Variants in LOC128462377 observed in about 807,000 individuals in gnomAD.
the LOC128462377 span, among the ~76,000 whole-genome samples, chr16:89,397,493 C>T: frequency 6.6e-6 from 1 of 152,238 alleles, no homozygotes; most frequent in Non-Finnish European, 1.5e-5. Context: ...CCGTGGCGGG[C>T]CTTGCTGCTA....
the LOC128462377 span, among the ~76,000 whole-genome samples, chr16:89,336,135 T>C: frequency 1.3e-5 from 2 of 152,244 alleles, no homozygotes; most frequent in African/African-American, 4.8e-5. Flanking sequence ...TGCCATGTAA[T>C]CCACAGAACC....
the LOC128462377 span, among the ~76,000 whole-genome samples, chr16:89,366,568 G>C: frequency 1.3e-5 from 2 of 152,266 alleles, no homozygotes; most frequent in African/African-American, 2.4e-5. Flanking sequence ...CAGTTTTCAC[G>C]ATCAGCTGGT....
the LOC128462377 span, among the ~76,000 whole-genome samples, chr16:89,354,621 C>G: frequency 6.6e-6 from 1 of 152,206 alleles, no homozygotes; most frequent in Non-Finnish European, 1.5e-5. Flanking sequence ...GTGGCTCACT[C>G]TTGTAATCCC....
At chr16:89,402,574 C>T in the LOC128462377 span, among the ~76,000 whole-genome samples, 4 of 143,584 alleles carry the variant, frequency 2.8e-5, no homozygotes, top group South Asian at 4.7e-4. Flanking sequence ...CCCAGCTACT[C>T]GGGAGGCTGA....
the LOC128462377 span, among the ~76,000 whole-genome samples, chr16:89,372,367 C>T: frequency 6.6e-6 from 1 of 152,138 alleles, no homozygotes; most frequent in Non-Finnish European, 1.5e-5. Flanking sequence ...GTGGAGAGCC[C>T]GAGTCACGGA....
the LOC128462377 span, among the ~76,000 whole-genome samples, chr16:89,367,345 C>G: frequency 6.6e-6 from 1 of 152,256 alleles, no homozygotes; most frequent in African/African-American, 2.4e-5. Context: ...AGTGGCGGCG[C>G]CCAGAGCGGC....
chr16:89,318,091 C>A, the LOC128462377 span, among the ~76,000 whole-genome samples: 1 of 152,364 alleles, frequency 6.6e-6, no homozygotes, highest in Admixed American at 6.5e-5. Context: ...TTCCCCGAGC[C>A]CCTGCTTCCG....
chr16:89,386,515 G>A, the LOC128462377 span, among the ~76,000 whole-genome samples: 1 of 152,220 alleles, frequency 6.6e-6, no homozygotes, highest in African/African-American at 2.4e-5. Flanking sequence ...GGGTGTGGGG[G>A]AAAGGGGGCT....
At chr16:89,404,548 G>A in the LOC128462377 span, among the ~76,000 whole-genome samples, 1 of 152,214 alleles carries the variant, frequency 6.6e-6, no homozygotes, top group African/African-American at 2.4e-5. Context: ...AGAAGAGAAG[G>A]AAAAGCTGCT....
At chr16:89,378,443 A>G in the LOC128462377 span, among the ~76,000 whole-genome samples, 1 of 152,220 alleles carries the variant, frequency 6.6e-6, no homozygotes, top group East Asian at 1.9e-4. Flanking sequence ...AATTCTTGAT[A>G]ATAATTTCAA....
At chr16:89,319,110 C>T in the LOC128462377 span, among the ~76,000 whole-genome samples, 8 of 152,234 alleles carry the variant, frequency 5.3e-5, no homozygotes, top group Admixed American at 2.6e-4. Context: ...TGTCTGCTCT[C>T]AGGACGGAAA....
chr16:89,347,210 G>A, the LOC128462377 span, among the ~76,000 whole-genome samples: 3 of 152,328 alleles, frequency 2.0e-5, no homozygotes, highest in East Asian at 5.8e-4. Context: ...CTGGGTGAGG[G>A]CTTCTTTCAA....
At chr16:89,361,301 GCACA>G in the LOC128462377 span, among the ~76,000 whole-genome samples, 17 of 152,190 alleles carry the variant, frequency 1.1e-4, no homozygotes, top group African/African-American at 4.1e-4. Context: ...CTTGGCCTCA[GCACA>G]CACAGAACCA....
At chr16:89,373,768 C>T in the LOC128462377 span, among the ~76,000 whole-genome samples, 1 of 152,232 alleles carries the variant, frequency 6.6e-6, no homozygotes, top group African/African-American at 2.4e-5. Flanking sequence ...TACCTGGGAT[C>T]CCCCAAGAAC....
the LOC128462377 span, among the ~76,000 whole-genome samples, chr16:89,391,296 C>T: frequency 1.6e-4 from 25 of 151,576 alleles, no homozygotes; most frequent in African/African-American, 6.1e-4. Flanking sequence ...CAGGGCAGGT[C>T]GCTGAGAAGC....
At chr16:89,402,376 T>C in the LOC128462377 span, among the ~76,000 whole-genome samples, 1 of 152,146 alleles carries the variant, frequency 6.6e-6, no homozygotes, top group Non-Finnish European at 1.5e-5. Flanking sequence ...TGAGCGCTTA[T>C]TTAAATCGGT....
the LOC128462377 span, among the ~76,000 whole-genome samples, chr16:89,375,547 C>T: frequency 6.6e-6 from 1 of 152,026 alleles, no homozygotes; most frequent in Non-Finnish European, 1.5e-5. Flanking sequence ...GCAACCTCTG[C>T]CTCCCAGGCC....
At chr16:89,342,689 G>A in the LOC128462377 span, among the ~76,000 whole-genome samples, 1 of 152,214 alleles carries the variant, frequency 6.6e-6, no homozygotes, top group East Asian at 1.9e-4. Flanking sequence ...ACTTCATGGT[G>A]TAAAAATCTA....
chr16:89,414,785 C>T, the LOC128462377 span, among the ~76,000 whole-genome samples: 5 of 152,074 alleles, frequency 3.3e-5, no homozygotes, highest in African/African-American at 9.7e-5. Context: ...AGCTGGGCAC[C>T]TAAGTCACGC....
Sources: gnomAD v4.1 joint callset for allele counts (sites outside exome capture counted in the v4.1 genomes callset) on GRCh38, gnomAD v4.1.1 for gene constraint, MANE v1.5 for transcripts.